LYRM4: variants seen among roughly 807,000 people sequenced by gnomAD.
LYRM4 encodes the protein LYR motif containing 4, also known as LYR motif-containing protein 4.
A neutral mutation model predicts 11.7 loss-of-function variants in LYRM4; 9 were observed. That is an observed-to-expected ratio of 0.77 (90% CI 0.46 to 1.34). The LOEUF is 1.34. Ranked by LOEUF, LYRM4 falls within the 40% of genes most tolerant of loss-of-function variation. The probability of loss-of-function intolerance (pLI) is 0.00; values close to 1 mark genes in which losing one functional copy is unlikely to be tolerated. For missense variants in LYRM4, 133 were observed against 112.5 expected (o/e 1.18, Z -0.82); for synonymous variants, 42 against 40.4 (o/e 1.04, Z -0.15).
At chr6:5,182,977 G>C (rs1219520696) in intron 2 of LYRM4, among the ~76,000 whole-genome samples, 1 of 152,214 alleles carries the variant, frequency 6.6e-6, no homozygotes, top group Non-Finnish European at 1.5e-5. Flanking sequence ...CAGTTGTAGA[G>C]ACTATAATGA....
chr6:5,138,743 G>A (rs1423121639), intron 2 of LYRM4: 9 of 1,530,096 alleles, frequency 5.9e-6, no homozygotes, highest in Non-Finnish European at 7.9e-6. Context: ...TTTATGCCTG[G>A]GGGTAAAAAG....
chr6:5,063,519 C>T, the LYRM4 span, among the ~76,000 whole-genome samples: 1 of 152,176 alleles, frequency 6.6e-6, no homozygotes, highest in African/African-American at 2.4e-5. Flanking sequence ...TACTTACACC[C>T]TTGTGTGGTT....
chr6:5,085,139 C>T, the LYRM4 span: 203 of 308,216 alleles, frequency 6.6e-4, 3 homozygotes, highest in South Asian at 0.013. Context: ...AGAAAGTCGC[C>T]CCCCGCATTC....
At chr6:5,049,595 T>A in the LYRM4 span, among the ~76,000 whole-genome samples, 1 of 152,156 alleles carries the variant, frequency 6.6e-6, no homozygotes, top group Non-Finnish European at 1.5e-5. Flanking sequence ...TAATAACAGC[T>A]CATTATAACA....
intron 2 of LYRM4, chr6:5,132,954 C>T (rs1561817908): frequency 2.0e-5 from 3 of 152,196 alleles, no homozygotes; most frequent in Admixed American, 6.5e-5. Context: ...TAGGGAAGCA[C>T]GCACTGCTGA....
At chr6:5,228,169 T>C (rs1023750851) in intron 1 of LYRM4, among the ~76,000 whole-genome samples, 3 of 152,126 alleles carry the variant, frequency 2.0e-5, no homozygotes, top group African/African-American at 4.8e-5. Context: ...CACCAGCATA[T>C]ACCTATTGAT....
At chr6:5,193,871 T>G (rs1312764818) in intron 2 of LYRM4, among the ~76,000 whole-genome samples, 4 of 151,316 alleles carry the variant, frequency 2.6e-5, no homozygotes, top group African/African-American at 9.8e-5. Flanking sequence ...AAAGGACATA[T>G]AGTACCTAGG....
the LYRM4 span, among the ~76,000 whole-genome samples, chr6:5,059,232 C>T: frequency 6.6e-6 from 1 of 151,176 alleles, no homozygotes; most frequent in Non-Finnish European, 1.5e-5. Flanking sequence ...TCTTAGCTAC[C>T]CGGGAGGCTG....
chr6:5,200,047 A>G (rs1761297709), intron 2 of LYRM4, among the ~76,000 whole-genome samples: 1 of 152,246 alleles, frequency 6.6e-6, no homozygotes, highest in Non-Finnish European at 1.5e-5. Flanking sequence ...TTTTCTTCCC[A>G]CAAATTCCCC....
chr6:5,081,996 G>A, the LYRM4 span, among the ~76,000 whole-genome samples: 1,041 of 152,308 alleles, frequency 6.8e-3, 10 homozygotes, highest in Non-Finnish European at 0.011. Flanking sequence ...AGGGGCCCTG[G>A]AAGTCCCATG....
At chr6:5,087,515 C>G in the LYRM4 span, 4 of 152,262 alleles carry the variant, frequency 2.6e-5, no homozygotes, top group African/African-American at 7.2e-5. Context: ...ACGCACGCCC[C>G]GGCGCCCTTT....
chr6:5,170,432 T>C (rs146884125), intron 2 of LYRM4, among the ~76,000 whole-genome samples: 68 of 152,288 alleles, frequency 4.5e-4, no homozygotes, highest in Non-Finnish European at 6.8e-4. Context: ...ACAAAGGGCC[T>C]GTGACCCAAA....
intron 1 of LYRM4, among the ~76,000 whole-genome samples, chr6:5,234,649 G>T (rs34908251): frequency 0.049 from 7,440 of 151,950 alleles, 591 homozygotes; most frequent in African/African-American, 0.16. Context: ...CAAAACCCAA[G>T]GTTCTACATG....
At chr6:5,090,559 A>T in the LYRM4 span, among the ~76,000 whole-genome samples, 1 of 152,182 alleles carries the variant, frequency 6.6e-6, no homozygotes, top group African/African-American at 2.4e-5. The surrounding 1 kb of genome is among the most constrained non-coding windows in gnomAD (Gnocchi z 4.8). Context: ...GAATGGGGGT[A>T]GTTGCTGTTA....
rs1762777284 is a variant in LYRM4 at position 5,109,463 on chromosome 6, T to C, written c.236A>G (p.Asp79Gly). The C allele has an allele frequency of 1.2e-6, 2 of 1,614,032 alleles. No homozygotes were observed. Among genetic ancestry groups the C allele is most frequent in the African/African-American group, 2.7e-5 (2 of 75,016 alleles). The stretch of plus-strand genomic sequence containing the variant: ...GTCTCGATTCTCAATGATCAGCTTG[T>C]CAGTTGAATACAGTTGGCCAATGTG... Reference protein sequence around the residue: ...QVHIGQLYSTDKLIIENRDMP... With the variant: ...QVHIGQLYSTGKLIIENRDMP... Residue 79 changes from aspartate (D) to glycine (G), a missense_variant, in exon 3 of 3, where the codon GAC becomes GGC. Physicochemically the swap from Asp to Gly is moderately conservative, Grantham distance 94. Coordinates refer to ENST00000330636, the MANE Select transcript of LYRM4 (RefSeq NM_020408.6).
At chr6:5,171,599 T>G (rs187326235) in intron 2 of LYRM4, among the ~76,000 whole-genome samples, 12 of 152,328 alleles carry the variant, frequency 7.9e-5, no homozygotes, top group African/African-American at 2.9e-4. Flanking sequence ...GTTTAAATTT[T>G]TCCCGTACTC....
intron 2 of LYRM4, among the ~76,000 whole-genome samples, chr6:5,185,479 TACAA>T (rs1428950382): frequency 2.0e-5 from 3 of 152,116 alleles, no homozygotes; most frequent in Non-Finnish European, 4.4e-5. Context: ...ATAAAGGGAA[TACAA>T]ACACACACCT....
chr6:5,094,018 T>C, the LYRM4 span, among the ~76,000 whole-genome samples: 1 of 152,336 alleles, frequency 6.6e-6, no homozygotes, highest in South Asian at 2.1e-4. Context: ...TGGGCCAAAG[T>C]GTCTGACTTA....
intron 2 of LYRM4, among the ~76,000 whole-genome samples, chr6:5,117,285 G>A (rs948988848): frequency 2.0e-5 from 3 of 152,194 alleles, no homozygotes; most frequent in Admixed American, 1.3e-4. Context: ...GGCGGGGCGC[G>A]GTGGCTCACG....
Sources: allele counts gnomAD v4.1 joint callset (sites outside exome capture counted in the v4.1 genomes callset), GRCh38; gene constraint gnomAD v4.1.1; non-coding constraint Gnocchi (gnomAD v3.1); transcripts MANE v1.5; gene names NCBI Gene and HGNC (gene_info 2026-07-23, HGNC 2026-07-21).